The following PRKD1 variants were observed in gnomAD, a reference collection of about 807,000 sequenced individuals.
PRKD1 encodes serine/threonine-protein kinase D1.
Under a neutral mutation model 95.9 loss-of-function variants are expected in PRKD1, and 63 were observed. The ratio of observed to expected loss-of-function variants is 0.66; its 90% CI spans 0.54 to 0.81. The LOEUF is 0.81. PRKD1 is among the 30% of genes least tolerant of loss of function. The pLI is 0.00. For synonymous variants in PRKD1, 425 were observed against 423.1 expected (o/e 1.00, Z -0.05); for missense variants, 1,048 against 1,165.3 (o/e 0.90, Z 1.47).
intron 1 of PRKD1, among the ~76,000 whole-genome samples, chr14:29,875,944 C>T (rs1040612318): frequency 3.9e-5 from 6 of 152,134 alleles, no homozygotes; most frequent in Admixed American, 6.6e-5. Flanking sequence ...CAACAGAATT[C>T]GTCAGACTAT....
chr14:29,596,903 C>G (rs1893328155), intron 16 of PRKD1, among the ~76,000 whole-genome samples: 1 of 152,048 alleles, frequency 6.6e-6, no homozygotes. Context: ...TAACTCTAAA[C>G]AATGCAACAC....
intron 1 of PRKD1, among the ~76,000 whole-genome samples, chr14:29,917,346 C>T (rs1286707126): frequency 6.6e-6 from 1 of 152,172 alleles, no homozygotes. Context: ...TTTATTAACA[C>T]TTTAACCTAA....
chr14:29,584,180 T>C (rs1892839375), intron 16 of PRKD1, among the ~76,000 whole-genome samples: 1 of 152,196 alleles, frequency 6.6e-6, no homozygotes, highest in South Asian at 2.1e-4. Context: ...CCATTTTTTC[T>C]AACAATAACA....
chr14:29,592,646 A>C (rs1024852930), intron 16 of PRKD1: 1 of 152,178 alleles, frequency 6.6e-6, no homozygotes, highest in Non-Finnish European at 1.5e-5. Flanking sequence ...ACTAATATAG[A>C]CATGCCAATC....
intron 1 of PRKD1, among the ~76,000 whole-genome samples, chr14:29,886,712 C>T (rs78438946): frequency 0.011 from 1,666 of 152,312 alleles, 28 homozygotes; most frequent in African/African-American, 0.039. Flanking sequence ...AGGTAGACGG[C>T]AGGATGTCAC....
chr14:29,788,050 T>A (rs1889355338), intron 1 of PRKD1, among the ~76,000 whole-genome samples: 2 of 152,190 alleles, frequency 1.3e-5, no homozygotes, highest in African/African-American at 4.8e-5. Context: ...GTGGTAGATA[T>A]CATCCTTTTG....
chr14:29,733,967 ACC>A (rs1223202940), intron 1 of PRKD1, among the ~76,000 whole-genome samples: 1 of 144,220 alleles, frequency 6.9e-6, no homozygotes, highest in African/African-American at 2.6e-5. Context: ...TATCACCTTT[ACC>A]ATTTCTGGTC....
At chr14:29,663,165 A>ATATATATATG (rs1882284935) in intron 4 of PRKD1, among the ~76,000 whole-genome samples, 1 of 146,148 alleles carries the variant, frequency 6.8e-6, no homozygotes, top group Admixed American at 6.9e-5. Context: ...ATATATATAT[A>ATATATATATG]TATATTCTAG....
intron 1 of PRKD1, among the ~76,000 whole-genome samples, chr14:29,820,748 T>C (rs1008017881): frequency 3.3e-5 from 5 of 152,076 alleles, no homozygotes; most frequent in Non-Finnish European, 7.4e-5. Context: ...GTGGAGGGAA[T>C]AGTAGAATAT....
At chr14:29,826,643 G>GTA (rs1399274015) in intron 1 of PRKD1, among the ~76,000 whole-genome samples, 2 of 75,896 alleles carry the variant, frequency 2.6e-5, no homozygotes, top group Admixed American at 1.6e-4. Flanking sequence ...ATGTGTGTGT[G>GTA]TATATATATG....
chr14:29,742,595 A>G (rs1213718366), intron 1 of PRKD1, among the ~76,000 whole-genome samples: 1 of 152,198 alleles, frequency 6.6e-6, no homozygotes, highest in African/African-American at 2.4e-5. Context: ...ACTTGACCCC[A>G]TGAAAGGCTG....
chr14:29,812,911 C>T (rs1472847068), intron 1 of PRKD1, among the ~76,000 whole-genome samples: 1 of 152,170 alleles, frequency 6.6e-6, no homozygotes, highest in Admixed American at 6.5e-5. Context: ...GAGTTCTTGA[C>T]CAGCCGGCCT....
intron 16 of PRKD1, among the ~76,000 whole-genome samples, chr14:29,578,810 T>A (rs957923247): frequency 2.2e-4 from 34 of 152,120 alleles, no homozygotes; most frequent in South Asian, 8.3e-4. Context: ...AGTATTGAAT[T>A]AAATGACAGA....
intron 1 of PRKD1, among the ~76,000 whole-genome samples, chr14:29,812,582 G>A (rs1243051809): frequency 1.3e-5 from 2 of 152,160 alleles, no homozygotes; most frequent in African/African-American, 4.8e-5. Flanking sequence ...TGAAGGGGAA[G>A]CAGGCACTTC....
intron 4 of PRKD1, among the ~76,000 whole-genome samples, chr14:29,658,922 T>G (rs1210956588): frequency 6.6e-6 from 1 of 152,214 alleles, no homozygotes; most frequent in Non-Finnish European, 1.5e-5. Flanking sequence ...ATTTCATTCT[T>G]TTCTCACATG....
At chr14:29,636,522 T>C in intron 6 of PRKD1, 28 bp from the exon 7 acceptor site, 2 of 1,612,158 alleles carry the variant, frequency 1.2e-6, no homozygotes, top group East Asian at 2.2e-5. Flanking sequence ...CCCATGAAGA[T>C]AAGCCTGGAA....
intron 1 of PRKD1, among the ~76,000 whole-genome samples, chr14:29,744,192 G>A (rs990600557): frequency 2.6e-5 from 4 of 152,114 alleles, no homozygotes; most frequent in Non-Finnish European, 5.9e-5. Flanking sequence ...TATCTACAAG[G>A]TATCACATAT....
chr14:29,882,621 G>A (rs948645534), intron 1 of PRKD1, among the ~76,000 whole-genome samples: 2 of 152,086 alleles, frequency 1.3e-5, no homozygotes, highest in Non-Finnish European at 2.9e-5. Context: ...TTGCAAAACC[G>A]AAGTTCTATA....
intron 2 of PRKD1, among the ~76,000 whole-genome samples, chr14:29,681,341 GA>G (rs1566535700): frequency 6.6e-6 from 1 of 151,836 alleles, no homozygotes. Flanking sequence ...GTCACTTCAT[GA>G]AAATGAGAAT....
Sources: allele counts gnomAD v4.1 joint callset (sites outside exome capture counted in the v4.1 genomes callset), GRCh38; gene constraint gnomAD v4.1.1; transcripts MANE v1.5; gene names NCBI Gene and HGNC (gene_info 2026-07-23, HGNC 2026-07-21).